Variants in LINGO1 observed in about 807,000 individuals in gnomAD.
LINGO1 encodes the protein leucine rich repeat and Ig domain containing 1.
A neutral mutation model predicts 37.3 loss-of-function variants in LINGO1; 11 were observed. The observed-to-expected ratio is 0.29, with a 90% CI of 0.19 to 0.49. LINGO1 has a LOEUF of 0.49. Ranked by LOEUF, LINGO1 falls within the 20% of genes least tolerant of loss-of-function variation. The probability of loss-of-function intolerance (pLI) is 0.99; values close to 1 mark genes in which losing one functional copy is unlikely to be tolerated. For missense variants in LINGO1, 585 were observed against 878.2 expected, an observed-to-expected ratio of 0.67 and a Z score of 4.22; for synonymous variants, 387 against 403.0, an observed-to-expected ratio of 0.96 and a Z score of 0.48.
intron 2 of LINGO1, among the ~76,000 whole-genome samples, chr15:77,731,498 G>A (rs966310129): frequency 2.6e-5 from 4 of 152,148 alleles, no homozygotes; most frequent in African/African-American, 9.7e-5. Flanking sequence ...TCTGTGACTT[G>A]GGTCAACTCA....
intron 1 of LINGO1, among the ~76,000 whole-genome samples, chr15:77,760,916 CTTTTTTTTTTTTTTTTTTT>C (rs34524098): frequency 1.0e-5 from 1 of 96,400 alleles, no homozygotes; most frequent in African/African-American, 4.9e-5. Context: ...TAATAAGTAT[CTTTTTTTTTTTTTTTTTTT>C]TTTTTTTTGG....
At chr15:77,617,623 T>C (rs907395) in intron 1 of LINGO1, among the ~76,000 whole-genome samples, 107,256 of 152,168 alleles carry the variant, frequency 0.7, 38,623 homozygotes, top group African/African-American at 0.86. Flanking sequence ...CCTGCTTTCA[T>C]GGCCACAGGC....
At chr15:77,695,270 G>C (rs1023692692) in intron 1 of LINGO1, among the ~76,000 whole-genome samples, 3 of 152,146 alleles carry the variant, frequency 2.0e-5, no homozygotes, top group African/African-American at 4.8e-5. Flanking sequence ...GAGGCAGCCC[G>C]GTGAGCAGAT....
chr15:77,618,171 G>C (rs577233659), intron 1 of LINGO1, among the ~76,000 whole-genome samples: 1 of 152,346 alleles, frequency 6.6e-6, no homozygotes, highest in Admixed American at 6.5e-5. Context: ...CTGGCGGGTG[G>C]GGGGAGCTGC....
At chr15:77,741,004 C>T (rs1423330302) in intron 1 of LINGO1, among the ~76,000 whole-genome samples, 1 of 152,220 alleles carries the variant, frequency 6.6e-6, no homozygotes, top group Admixed American at 6.5e-5. Flanking sequence ...GCCCCCAGCC[C>T]TGCCCTCGCC....
At chr15:77,751,279 C>T (rs1373359141) in intron 1 of LINGO1, among the ~76,000 whole-genome samples, 1 of 152,224 alleles carries the variant, frequency 6.6e-6, no homozygotes, top group Non-Finnish European at 1.5e-5. Context: ...GGGAATGATC[C>T]TTGCAGGGTG....
At chr15:77,799,136 C>T (rs1464810921) in intron 1 of LINGO1, among the ~76,000 whole-genome samples, 6 of 152,206 alleles carry the variant, frequency 3.9e-5, no homozygotes, top group Admixed American at 3.3e-4. Context: ...TTCCCCAGAC[C>T]TGAGCCCCTC....
chr15:77,627,355 C>T (rs1185427544), intron 1 of LINGO1, among the ~76,000 whole-genome samples: 4 of 152,120 alleles, frequency 2.6e-5, no homozygotes, highest in South Asian at 4.1e-4. Context: ...CCAAATTAGC[C>T]TGCCAGCACC....
At chr15:77,707,314 A>G (rs1376981681) in intron 2 of LINGO1, 1 of 152,246 alleles carries the variant, frequency 6.6e-6, no homozygotes, top group Non-Finnish European at 1.5e-5. Flanking sequence ...TCCCCTGGAA[A>G]GTAGAAGCAA....
At chr15:77,812,760 C>T (rs561051838) in intron 1 of LINGO1, among the ~76,000 whole-genome samples, 1 of 152,240 alleles carries the variant, frequency 6.6e-6, no homozygotes, top group Non-Finnish European at 1.5e-5. Flanking sequence ...TTGCTGAGTG[C>T]CGTGCAATTC....
chr15:77,793,629 G>A (rs2076834983), intron 2 of LINGO1, among the ~76,000 whole-genome samples: 1 of 152,188 alleles, frequency 6.6e-6, no homozygotes. Flanking sequence ...CAGAACATCA[G>A]AAACCATCAA....
intron 1 of LINGO1, among the ~76,000 whole-genome samples, chr15:77,799,552 A>G (rs973359601): frequency 1.3e-5 from 2 of 152,176 alleles, no homozygotes; most frequent in African/African-American, 4.8e-5. Flanking sequence ...AGTAACTCAA[A>G]GAATGTGGGC....
intron 1 of LINGO1, among the ~76,000 whole-genome samples, chr15:77,758,179 C>T (rs2076439530): frequency 6.6e-6 from 1 of 152,142 alleles, no homozygotes; most frequent in African/African-American, 2.4e-5. Flanking sequence ...GGGTTAGAGG[C>T]AAAGGAAAGG....
rs755798246 is a variant in LINGO1 at position 77,719,836 on chromosome 15, TCA to T, written c.-195+15154_-195+15155del. Among the ~76,000 whole-genome samples, 9 of 148,064 alleles carry T rather than the reference TCA, an allele frequency of 6.1e-5. 1 individual carries two copies. The highest frequency in any genetic ancestry group is 4.8e-4 in the Admixed American group (7 of 14,636). On this transcript the variant is annotated intron_variant, in intron 2 of 3. Transcript: ENST00000561686. Reference sequence around the variant, plus strand: ...CACGCTTTCATACACACATATGTACTCACACACACACAGACTGGCACTTATAC... The same window carrying T: ...CACGCTTTCATACACACATATGTACTCACACACACAGACTGGCACTTATAC...
chr15:77,792,006 G>C (rs972060590), upstream of LINGO1, among the ~76,000 whole-genome samples: 6 of 152,036 alleles, frequency 3.9e-5, no homozygotes, highest in Non-Finnish European at 7.4e-5. Flanking sequence ...TCCAGGCTCA[G>C]AGGCTTCAGA....
At chr15:77,797,438 C>T (rs1352624164) in intron 1 of LINGO1, among the ~76,000 whole-genome samples, 1 of 152,226 alleles carries the variant, frequency 6.6e-6, no homozygotes, top group African/African-American at 2.4e-5. Context: ...ACAGGCACAT[C>T]ACAGGTGTGA....
At chr15:77,633,123 G>C (rs1462187143), upstream of LINGO1, among the ~76,000 whole-genome samples, 1 of 151,936 alleles carries the variant, frequency 6.6e-6, no homozygotes, top group African/African-American at 2.4e-5. Context: ...ACAGGCAGGG[G>C]TGCGCAGGCG....
intron 1 of LINGO1, among the ~76,000 whole-genome samples, chr15:77,813,157 A>T (rs1160205224): frequency 6.6e-6 from 1 of 152,242 alleles, no homozygotes; most frequent in Non-Finnish European, 1.5e-5. Flanking sequence ...AATGTTCCCT[A>T]AATGTAAAGC....
chr15:77,820,142 T>TCTCCGCGG (rs1181776336), intron 1 of LINGO1: 3 of 151,896 alleles, frequency 2.0e-5, no homozygotes, highest in African/African-American at 7.3e-5. Context: ...CCCCCTCCGC[T>TCTCCGCGG]CTCCGCGGCT....
Sources: allele counts gnomAD v4.1 joint callset (sites outside exome capture counted in the v4.1 genomes callset), GRCh38; gene constraint gnomAD v4.1.1; transcripts MANE v1.5; gene names NCBI Gene and HGNC (gene_info 2026-07-23, HGNC 2026-07-21).